TPM3: variants seen among roughly 807,000 people sequenced by gnomAD.
TPM3 encodes the protein tropomyosin alpha-3 chain.
Under a neutral mutation model 43.1 loss-of-function variants are expected in TPM3, and 16 were observed. That is an observed-to-expected ratio of 0.37 (90% CI 0.25 to 0.56). The LOEUF (loss-of-function observed/expected upper bound fraction) is 0.56, where lower values mean the gene tolerates loss of function less well. TPM3 is among the 20% of genes least tolerant of loss of function. The pLI, the probability that TPM3 is intolerant of heterozygous loss-of-function variation, is 0.77. For synonymous variants in TPM3, 101 were observed against 116.9 expected, an observed-to-expected ratio of 0.86 and a Z score of 0.88; for missense variants, 176 against 337.2, an observed-to-expected ratio of 0.52 and a Z score of 3.74.
intron 8 of TPM3, 54 bp downstream of exon 8, chr1:154,170,346 T>C (rs1661429533): frequency 6.4e-6 from 10 of 1,573,900 alleles, no homozygotes; most frequent in Non-Finnish European, 8.7e-6. Flanking sequence ...TAATGGTTAA[T>C]GGGCAGTCTT....
At chr1:154,175,889 TTC>T (rs778115598) in intron 3 of TPM3, among the ~76,000 whole-genome samples, 1 of 152,208 alleles carries the variant, frequency 6.6e-6, no homozygotes, top group East Asian at 1.9e-4. Flanking sequence ...CACAGGGTCT[TTC>T]TCTGTCACCC....
chr1:154,188,092 G>A (rs935800097), intron 2 of TPM3, among the ~76,000 whole-genome samples: 1 of 151,456 alleles, frequency 6.6e-6, no homozygotes, highest in Admixed American at 6.6e-5. Flanking sequence ...GTCTTGCTCT[G>A]TCACCTAGGC....
chr1:154,192,019 G>T lies in TPM3; in HGVS notation c.-1C>A. 6.2e-7 allele frequency: 1 copy of T among 1,612,816 alleles called. No individual in the cohort carries two copies. The highest frequency in any genetic ancestry group is 1.1e-5 in the South Asian group (1 of 91,050). ...TCTTTTTCTTGATGGCCTCCATCAT[G>T]AGCAGTGGCTGTTGGTAGGCTCACC... On this transcript the variant is annotated 5_prime_UTR_variant, in exon 1 of 10. Transcript: ENST00000651641.
rs1661102102 is a variant in TPM3 at position 154,167,426 on chromosome 1, G to A, written c.*511C>T. 9.4e-7 allele frequency: 1 copy of A among 1,068,980 alleles called. No homozygotes were observed. Among genetic ancestry groups the A allele is most frequent in the Non-Finnish European group, 1.1e-6 (1 of 880,830 alleles). The allele number at this position is 1,068,980 out of a possible 1,614,324, so 66.2% of individuals were successfully genotyped here. On this transcript the variant is annotated 3_prime_UTR_variant, in exon 10 of 10. Coordinates refer to ENST00000651641, the MANE Select transcript of TPM3 (RefSeq NM_152263.4). Reference sequence around the variant, plus strand: ...TTCTCAATGACACCACACCAAAGGAGGAATACCTGAAGAGAGAATGGAAAC... The same window carrying A: ...TTCTCAATGACACCACACCAAAGGAAGAATACCTGAAGAGAGAATGGAAAC...
intron 2 of TPM3, among the ~76,000 whole-genome samples, chr1:154,185,372 CAAAAA>C (rs34650875): frequency 1.9e-3 from 228 of 119,122 alleles, no homozygotes; most frequent in Middle Eastern, 4.7e-3. Flanking sequence ...GACTCTGTAT[CAAAAA>C]AAAAAAAAAA....
intron 5 of TPM3, chr1:154,171,742 C>G: frequency 1.6e-6 from 1 of 623,098 alleles, no homozygotes; most frequent in Non-Finnish European, 2.8e-6. Context: ...AATCCACTAC[C>G]AGGAACAAGT....
intron 2 of TPM3, among the ~76,000 whole-genome samples, chr1:154,187,879 A>G (rs1478068099): frequency 6.6e-6 from 1 of 151,540 alleles, no homozygotes; most frequent in Non-Finnish European, 1.5e-5. Flanking sequence ...GAAAACTTCT[A>G]TCTTCATGCC....
chr1:154,169,191 G>T, intron 9 of TPM3, 114 bp downstream of exon 9: 1 of 1,097,162 alleles, frequency 9.1e-7, no homozygotes, highest in South Asian at 1.3e-5. Flanking sequence ...CAAAGATAAG[G>T]GTGGAGATTC....
downstream of TPM3, chr1:154,159,064 AGAG>A: frequency 1.3e-6 from 1 of 780,390 alleles, no homozygotes; most frequent in Middle Eastern, 2.3e-4. Flanking sequence ...GCAGCAACGG[AGAG>A]GAGGGGAACA....
chr1:154,170,866 C>A, intron 6 of TPM3, 155 bp from the exon 7 acceptor site: 1 of 648,872 alleles, frequency 1.5e-6, no homozygotes, highest in South Asian at 1.7e-5. Context: ...ACAATAGGTC[C>A]TTGAAATTCA....
intron 9 of TPM3, among the ~76,000 whole-genome samples, chr1:154,168,734 C>A (rs1661252110): frequency 6.6e-6 from 1 of 152,156 alleles, no homozygotes; most frequent in Admixed American, 6.5e-5. Context: ...CCATGTTGGC[C>A]AGGCTGGTCT....
At chr1:154,191,522 C>A (rs1663680274) in intron 1 of TPM3, 4 of 1,287,606 alleles carry the variant, frequency 3.1e-6, no homozygotes, top group Non-Finnish European at 4.2e-6. Context: ...ATGACCAAGC[C>A]ATCCTGGGTT....
chr1:154,176,412 T>C (rs1425289737), intron 2 of TPM3, among the ~76,000 whole-genome samples, 164 bp from the exon 3 acceptor site: 3 of 149,820 alleles, frequency 2.0e-5, no homozygotes, highest in Non-Finnish European at 2.9e-5. Flanking sequence ...CATAACTTTA[T>C]ATATATATAT....
At position 154,167,434 on chromosome 1, in the gene TPM3, T is replaced by C; in HGVS notation, c.*503A>G. The C allele has an allele frequency of 9.3e-7, 1 of 1,071,752 alleles. No homozygotes were observed. The highest frequency in any genetic ancestry group is 1.1e-6 in the Non-Finnish European group (1 of 882,198). The allele number at this position is 1,071,752 out of a possible 1,614,324, so 66.4% of individuals were successfully genotyped here. ...GACACCACACCAAAGGAGGAATACC[T>C]GAAGAGAGAATGGAAACACTGCAGG... is the stretch of plus-strand genomic sequence containing the variant. On this transcript the variant is annotated 3_prime_UTR_variant, in exon 10 of 10. Transcript: ENST00000651641.
chr1:154,175,330 CAAAAAAAAAAAA>C (rs34360728), intron 3 of TPM3, among the ~76,000 whole-genome samples: 4 of 89,528 alleles, frequency 4.5e-5, no homozygotes, highest in Non-Finnish European at 4.4e-5. Context: ...GACTCTGTCT[CAAAAAAAAAAAA>C]AAAAAAAAAA....
In TPM3 at chr1:154,169,328, G is replaced by T; in HGVS notation, c.831C>A (p.His277Gln). The T allele has an allele frequency of 6.2e-7, 1 of 1,614,178 alleles. No homozygotes were observed. The highest frequency in any genetic ancestry group is 8.5e-7 in the Non-Finnish European group (1 of 1,180,036). ...KYKAISEELD[H>Q]ALNDMTSI The stretch of plus-strand genomic sequence containing the variant: ...ACATAGAGGTCATGTCATTGAGGGC[G>T]TGGTCCAGCTCCTCGCTAATGGCCT... The change falls in exon 9 of 10, where the codon CAC becomes CAA. Residue 277 changes from histidine (H) to glutamine (Q), a missense_variant. Physicochemically the swap from His to Gln is conservative, Grantham distance 24. Transcript: ENST00000651641.
intron 2 of TPM3, chr1:154,183,839 A>G (rs1663242729): frequency 6.8e-6 from 1 of 148,042 alleles, no homozygotes; most frequent in Non-Finnish European, 1.5e-5. Flanking sequence ...TCTATTTAGA[A>G]CAGACTTTTC....
intron 2 of TPM3, among the ~76,000 whole-genome samples, chr1:154,176,653 G>GA (rs57237877): frequency 6.9e-4 from 89 of 129,018 alleles, no homozygotes; most frequent in Non-Finnish European, 7.3e-4. Flanking sequence ...CATAAAGCAG[G>GA]AAAAAAAAAA....
intron 2 of TPM3, 147 bp from the exon 3 acceptor site, chr1:154,176,395 T>C (rs923869061): frequency 1.8e-6 from 2 of 1,102,408 alleles, no homozygotes; most frequent in African/African-American, 1.6e-5. Flanking sequence ...TTAAAAGATC[T>C]AGCAGACATA....
Sources: allele counts gnomAD v4.1 joint callset (sites outside exome capture counted in the v4.1 genomes callset), GRCh38; gene constraint gnomAD v4.1.1; transcripts MANE v1.5; gene names NCBI Gene and HGNC (gene_info 2026-07-23, HGNC 2026-07-21).